RIPK4: variants seen among roughly 807,000 people sequenced by gnomAD.
RIPK4 encodes receptor interacting serine/threonine kinase 4.
In RIPK4, 17 loss-of-function variants were observed where a neutral mutation model predicts 42.9. The ratio of observed to expected loss-of-function variants is 0.40; its 90% CI spans 0.27 to 0.59. The LOEUF is 0.59. Ranked by LOEUF, RIPK4 falls within the 20% of genes least tolerant of loss-of-function variation. RIPK4 has a pLI of 0.47. For missense variants in RIPK4, 897 were observed against 1,104.4 expected (o/e 0.81, Z 2.66); for synonymous variants, 498 against 499.1 (o/e 1.00, Z 0.03).
At position 41,749,196 on chromosome 21, in the gene RIPK4, T is replaced by TGG; in HGVS notation, c.630_631insCC (p.Ile211ProfsTer25). The stretch of plus-strand genomic sequence containing the variant: ...TGTGTGAGCACGCCCCAGATGACGA[T>TGG]CGCAAAGCTGGAAGAGAAACCAGGC... On this transcript the variant is annotated frameshift_variant, in exon 4 of 8. Coordinates refer to ENST00000332512, the MANE Select transcript of RIPK4 (RefSeq NM_020639.3). LOFTEE classifies it high-confidence loss of function. 1 of 1,613,884 alleles carries TGG rather than the reference T, an allele frequency of 6.2e-7. No individual in the cohort carries two copies. The highest frequency in any genetic ancestry group is 8.5e-7 in the Non-Finnish European group (1 of 1,179,930).
At chr21:41,746,494 G>T in intron 5 of RIPK4, 119 bp downstream of exon 5, 2 of 1,250,610 alleles carry the variant, frequency 1.6e-6, no homozygotes, top group Non-Finnish European at 2.2e-6. Flanking sequence ...GGCTCATTTC[G>T]GCCCACCTGT....
intron 4 of RIPK4, among the ~76,000 whole-genome samples, chr21:41,748,363 C>T (rs1025513238): frequency 2.6e-5 from 4 of 152,200 alleles, no homozygotes; most frequent in African/African-American, 9.6e-5. Flanking sequence ...TCATGAGTAG[C>T]CCAGAAATGT....
intron 1 of RIPK4, among the ~76,000 whole-genome samples, chr21:41,758,035 T>TAG (rs1396820567): frequency 1.0e-5 from 1 of 97,260 alleles, no homozygotes; most frequent in Non-Finnish European, 1.9e-5. Context: ...TATATATATA[T>TAG]ATATATAGAG....
chr21:41,754,767 C>T (rs951001146), intron 2 of RIPK4, among the ~76,000 whole-genome samples: 22 of 152,164 alleles, frequency 1.4e-4, no homozygotes, highest in South Asian at 6.2e-4. Flanking sequence ...GCCCAGCCTG[C>T]GGGCCACACA....
In RIPK4 at chr21:41,743,948, C is replaced by T; in HGVS notation, c.1129G>A (p.Val377Met). The T allele has an allele frequency of 1.2e-6, 2 of 1,613,342 alleles. No homozygotes were observed. Among genetic ancestry groups the T allele is most frequent in the Non-Finnish European group, 1.7e-6 (2 of 1,179,974 alleles). The change falls in exon 7 of 8, where the codon GTG becomes ATG. Residue 377 changes from valine to methionine, a missense_variant. Transcript: ENST00000332512. ...SGKRLSGVSS[V>M]DSAFSSRGSL... ...CCTCTGGAAGAGAAGGCGGAGTCCA[C>T]CGAGGACACCCCCGAGAGCCTCTTC...
Position 41,751,309 on chromosome 21 carries a change from T to A in RIPK4, c.475-64A>T. The A allele has an allele frequency of 1.3e-6, 2 of 1,588,952 alleles. No homozygotes were observed. The highest frequency in any genetic ancestry group is 1.7e-6 in the Non-Finnish European group (2 of 1,164,294). On this transcript the variant is annotated intron_variant, in intron 2 of 7. Transcript: ENST00000332512. The surrounding 1 kb of genome is among the most constrained non-coding windows in gnomAD (Gnocchi z 4.5). ...AACAGTGATATTTTATGATGCTTTA[T>A]CAAAAGCTCCCTTCTGCAATCTCAG...
In RIPK4 at chr21:41,741,306, G is replaced by A. The variant is rs555319132; in HGVS notation, c.1887C>T (p.Asp629=). 40 of 1,608,336 alleles carry A rather than the reference G, an allele frequency of 2.5e-5. No homozygotes were observed. Among genetic ancestry groups the A allele is most frequent in the Middle Eastern group, 1.7e-4 (1 of 6,058 alleles). The change falls in exon 8 of 8, where the codon GAC becomes GAT. Residue 629 remains aspartate (D), a synonymous_variant. Coordinates refer to ENST00000332512, the MANE Select transcript of RIPK4 (RefSeq NM_020639.3). ...VARILIDLCS[D]VNVCSLLAQT... is the part of the protein sequence containing the mutation. Reference sequence around the variant, plus strand: ...GTGCCAGCAGGCTGCAGACGTTGACGTCGGAGCACAGGTCGATGAGGATGC... The same window carrying A: ...GTGCCAGCAGGCTGCAGACGTTGACATCGGAGCACAGGTCGATGAGGATGC...
In RIPK4 at chr21:41,740,704, C is replaced by G. The variant is rs1324054790; in HGVS notation, c.*134G>C. ...GTCAGCAGCAGCCGCCTCCTGATGG[C>G]ACCATGTCACCTCTGCTTGGTTAAC... On this transcript the variant is annotated 3_prime_UTR_variant, in exon 8 of 8. Transcript: ENST00000332512. 3.3e-6 allele frequency: 3 copies of G among 902,122 alleles called. No homozygotes were observed. Among genetic ancestry groups the G allele is most frequent in the Non-Finnish European group, 4.9e-6 (3 of 614,158 alleles). The allele number at this position is 902,122 out of a possible 1,614,324, so 55.9% of individuals were successfully genotyped here.
At chr21:41,754,437 C>A (rs1427751805) in intron 2 of RIPK4, among the ~76,000 whole-genome samples, 1 of 152,200 alleles carries the variant, frequency 6.6e-6, no homozygotes, top group Non-Finnish European at 1.5e-5. Flanking sequence ...GTACACAGGG[C>A]CCTAAGATGT....
rs374481632 is a variant in RIPK4 at position 41,743,527 on chromosome 21, C to T, written c.1195+355G>A. 4.6e-5 allele frequency among the ~76,000 whole-genome samples: 7 copies of T among 152,334 alleles called. No individual in the cohort carries two copies. In the South Asian group the frequency reaches 1.0e-3, roughly 23 times the overall value. ...CTGAGCAGAGGGTGCGGGACTGCCACGCCCGAGACAGGAGGCCCGCCAGGG... is the reference window on the plus strand; with the variant it reads ...CTGAGCAGAGGGTGCGGGACTGCCATGCCCGAGACAGGAGGCCCGCCAGGG... On this transcript the variant is annotated intron_variant, in intron 7 of 7. Coordinates refer to ENST00000332512, the MANE Select transcript of RIPK4 (RefSeq NM_020639.3).
chr21:41,748,650 T>C (rs2146050650), intron 4 of RIPK4, among the ~76,000 whole-genome samples: 1 of 152,352 alleles, frequency 6.6e-6, no homozygotes, highest in South Asian at 2.1e-4. Context: ...AGTTTTGTTC[T>C]GTGTATTTTA....
chr21:41,753,555 C>G (rs1334850797), intron 2 of RIPK4, among the ~76,000 whole-genome samples: 2 of 152,216 alleles, frequency 1.3e-5, no homozygotes, highest in East Asian at 3.9e-4. Flanking sequence ...CTTTCCTCAT[C>G]TTCCCACCCA....
chr21:41,752,438 G>A (rs1273300935), intron 2 of RIPK4, among the ~76,000 whole-genome samples: 1 of 151,950 alleles, frequency 6.6e-6, no homozygotes, highest in African/African-American at 2.4e-5. Context: ...GGGAGGTAGG[G>A]GGGAAGGCCT....
intron 5 of RIPK4, 88 bp from the exon 6 acceptor site, chr21:41,745,950 G>A: frequency 9.1e-7 from 1 of 1,104,600 alleles, no homozygotes; most frequent in Non-Finnish European, 1.4e-6. Context: ...CCCACGAGCT[G>A]GGGGATTTCT....
intron 1 of RIPK4, among the ~76,000 whole-genome samples, chr21:41,760,035 GGA>G (rs749050707): frequency 9.9e-5 from 15 of 152,184 alleles, no homozygotes; most frequent in Non-Finnish European, 2.1e-4. Context: ...GGCAATGTCT[GGA>G]GAGATTCTGG....
intron 6 of RIPK4, among the ~76,000 whole-genome samples, chr21:41,744,785 G>C (rs1167458149): frequency 6.6e-6 from 1 of 152,194 alleles, no homozygotes; most frequent in South Asian, 2.1e-4. Context: ...TGGCCTGGGG[G>C]CTGTGTGGGG....
chr21:41,765,783 T>G (rs886413562), intron 1 of RIPK4, among the ~76,000 whole-genome samples: 1 of 152,260 alleles, frequency 6.6e-6, no homozygotes, highest in Non-Finnish European at 1.5e-5. Flanking sequence ...AGCTTCCATG[T>G]AGAAGGTAAG....
chr21:41,754,967 C>T (rs1240830510), intron 2 of RIPK4, among the ~76,000 whole-genome samples: 1 of 152,222 alleles, frequency 6.6e-6, no homozygotes, highest in Non-Finnish European at 1.5e-5. Flanking sequence ...TGCACCTCTG[C>T]TCTGAGGATG....
chr21:41,753,524 C>T (rs1335931021), intron 2 of RIPK4, among the ~76,000 whole-genome samples: 1 of 152,232 alleles, frequency 6.6e-6, no homozygotes, highest in African/African-American at 2.4e-5. Flanking sequence ...GGACTCCTGG[C>T]CGGCTGCATT....
Sources: allele counts gnomAD v4.1 joint callset (sites outside exome capture counted in the v4.1 genomes callset), GRCh38; gene constraint gnomAD v4.1.1; non-coding constraint Gnocchi (gnomAD v3.1); transcripts MANE v1.5; gene names NCBI Gene and HGNC (gene_info 2026-07-23, HGNC 2026-07-21).